PRELID2: variants seen among roughly 807,000 people sequenced by gnomAD.
PRELID2 encodes PRELI domain containing 2.
A neutral mutation model predicts 28.4 loss-of-function variants in PRELID2; 25 were observed. That is an observed-to-expected ratio of 0.88 (90% CI 0.64 to 1.23). The LOEUF is 1.23. PRELID2 is among the 50% of genes most tolerant of loss of function. The pLI, the probability that PRELID2 is intolerant of heterozygous loss-of-function variation, is 0.00. For missense variants in PRELID2, 201 were observed against 214.4 expected, an observed-to-expected ratio of 0.94 and a Z score of 0.39; for synonymous variants, 76 against 71.6, an observed-to-expected ratio of 1.06 and a Z score of -0.31.
the PRELID2 span, among the ~76,000 whole-genome samples, chr5:145,427,793 A>AG: frequency 6.6e-6 from 1 of 152,194 alleles, no homozygotes; most frequent in Non-Finnish European, 1.5e-5. Flanking sequence ...CAGAAAGTTC[A>AG]GGGATGTAAT....
chr5:145,315,255 G>C, the PRELID2 span, among the ~76,000 whole-genome samples: 1 of 151,536 alleles, frequency 6.6e-6, no homozygotes, highest in South Asian at 2.1e-4. Context: ...TTTTTTAGTA[G>C]AGACAGGTTT....
At chr5:145,416,739 C>A in the PRELID2 span, among the ~76,000 whole-genome samples, 30 of 151,990 alleles carry the variant, frequency 2.0e-4, no homozygotes, top group Admixed American at 7.9e-4. Flanking sequence ...GCTAAAAGAA[C>A]TAGAAAAGCA....
the PRELID2 span, among the ~76,000 whole-genome samples, chr5:145,367,731 C>T: frequency 6.6e-6 from 1 of 151,880 alleles, no homozygotes; most frequent in African/African-American, 2.4e-5. Context: ...GAATTGACTT[C>T]TTTCACTTAG....
intron 1 of PRELID2, among the ~76,000 whole-genome samples, chr5:145,529,283 A>G (rs1233600453): frequency 2.6e-5 from 4 of 152,192 alleles, no homozygotes; most frequent in African/African-American, 9.7e-5. Flanking sequence ...TTGTCAAAGC[A>G]TTTAAACTAG....
At chr5:145,413,611 T>TACACACACACAC in the PRELID2 span, among the ~76,000 whole-genome samples, 63 of 140,170 alleles carry the variant, frequency 4.5e-4, 1 homozygote, top group East Asian at 1.7e-3. Context: ...ATGAAGAAAA[T>TACACACACACAC]ACACACACAC....
the PRELID2 span, among the ~76,000 whole-genome samples, chr5:145,336,635 C>G: frequency 1.3e-5 from 2 of 152,010 alleles, no homozygotes; most frequent in Non-Finnish European, 2.9e-5. Flanking sequence ...TGATCTATGT[C>G]TCTGTTGCTA....
At chr5:145,372,057 C>T in the PRELID2 span, among the ~76,000 whole-genome samples, 70 of 151,950 alleles carry the variant, frequency 4.6e-4, no homozygotes, top group African/African-American at 1.5e-3. Context: ...AATTAGAGAT[C>T]TTTCCAGTTT....
At chr5:145,707,078 T>G (rs1755568005) in intron 1 of PRELID2, among the ~76,000 whole-genome samples, 1 of 152,230 alleles carries the variant, frequency 6.6e-6, no homozygotes. Flanking sequence ...TGAAAAAATT[T>G]ATTAAGCATC....
the PRELID2 span, among the ~76,000 whole-genome samples, chr5:145,290,867 G>A: frequency 2.7e-5 from 4 of 150,868 alleles, no homozygotes; most frequent in South Asian, 2.1e-4. Context: ...TTGTAGCAGT[G>A]TCTGTCACAG....
chr5:145,560,164 G>A (rs992146591), intron 1 of PRELID2, among the ~76,000 whole-genome samples: 3 of 152,264 alleles, frequency 2.0e-5, no homozygotes, highest in South Asian at 2.1e-4. Context: ...ATGGGTACTC[G>A]AAGTACAGCT....
At chr5:145,418,943 T>C in the PRELID2 span, among the ~76,000 whole-genome samples, 16 of 148,112 alleles carry the variant, frequency 1.1e-4, no homozygotes, top group Non-Finnish European at 1.6e-4. Context: ...TGTAATCTCA[T>C]TGTTCAATTC....
chr5:145,248,726 G>C, the PRELID2 span, among the ~76,000 whole-genome samples: 1 of 149,954 alleles, frequency 6.7e-6, no homozygotes, highest in Non-Finnish European at 1.5e-5. Context: ...GAACCCAGGG[G>C]GTGCAGGTTG....
At chr5:145,387,947 A>AG in the PRELID2 span, among the ~76,000 whole-genome samples, 1 of 152,174 alleles carries the variant, frequency 6.6e-6, no homozygotes, top group African/African-American at 2.4e-5. Flanking sequence ...AAAAAAAAAA[A>AG]AAAAAGACAC....
intron 1 of PRELID2, among the ~76,000 whole-genome samples, chr5:145,568,249 T>G (rs1414839474): frequency 2.0e-5 from 3 of 152,152 alleles, no homozygotes; most frequent in Non-Finnish European, 4.4e-5. Flanking sequence ...TAGAGACCCC[T>G]CCACATGGAA....
chr5:145,574,152 G>C (rs1328472992), intron 1 of PRELID2, among the ~76,000 whole-genome samples: 1 of 152,156 alleles, frequency 6.6e-6, no homozygotes, highest in Non-Finnish European at 1.5e-5. Flanking sequence ...AAAGATTGCT[G>C]CTCTTGGGAA....
intron 4 of PRELID2, among the ~76,000 whole-genome samples, chr5:145,812,360 T>C (rs1424155790): frequency 6.6e-6 from 1 of 152,196 alleles, no homozygotes; most frequent in African/African-American, 2.4e-5. Context: ...TGCAGTTCCT[T>C]AGTGAGAGGA....
chr5:145,601,993 A>T (rs750959708), intron 1 of PRELID2, among the ~76,000 whole-genome samples: 4 of 152,188 alleles, frequency 2.6e-5, no homozygotes, highest in Admixed American at 6.5e-5. Flanking sequence ...TGGAATATTT[A>T]TCCACCAACT....
chr5:145,514,982 G>C (rs989960040), intron 1 of PRELID2, among the ~76,000 whole-genome samples: 1 of 152,130 alleles, frequency 6.6e-6, no homozygotes, highest in Admixed American at 6.5e-5. Flanking sequence ...CAACGTACCA[G>C]AATCTCTAGG....
chr5:145,338,086 C>G, the PRELID2 span: 4 of 152,122 alleles, frequency 2.6e-5, no homozygotes, highest in African/African-American at 7.2e-5. Context: ...TTATTCAAAA[C>G]TTTACATTGA....
Sources: allele counts gnomAD v4.1 joint callset (sites outside exome capture counted in the v4.1 genomes callset), GRCh38; gene constraint gnomAD v4.1.1; transcripts MANE v1.5; gene names NCBI Gene and HGNC (gene_info 2026-07-23, HGNC 2026-07-21).